Variants in MCC observed in about 807,000 individuals in gnomAD.
The protein encoded by MCC is MCC regulator of Wnt signaling pathway, also known as colorectal mutant cancer protein.
MCC carries 90 observed loss-of-function variants against 116.2 expected under a neutral mutation model. That is an observed-to-expected ratio of 0.77 (90% CI 0.65 to 0.92). The LOEUF (loss-of-function observed/expected upper bound fraction) is 0.92. Among genes scored for constraint, MCC ranks in the 40% least tolerant of loss-of-function variants. MCC has a pLI of 0.00. For missense variants in MCC, 1,516 were observed against 1,312.2 expected, an observed-to-expected ratio of 1.16 and a Z score of -2.40; for synonymous variants, 578 against 510.5, an observed-to-expected ratio of 1.13 and a Z score of -1.78.
intron 3 of MCC, among the ~76,000 whole-genome samples, chr5:113,197,344 G>T (rs1762463339): frequency 1.3e-5 from 2 of 152,144 alleles, no homozygotes; most frequent in Non-Finnish European, 2.9e-5. Flanking sequence ...AGGATAGGTA[G>T]GTAGCGGGGA....
chr5:113,041,573 A>G (rs1030953023), intron 17 of MCC, among the ~76,000 whole-genome samples: 2 of 152,228 alleles, frequency 1.3e-5, no homozygotes, highest in South Asian at 2.1e-4. Flanking sequence ...CGCAGACTAG[A>G]GGGCTGTTAT....
intron 6 of MCC, among the ~76,000 whole-genome samples, chr5:113,114,897 C>G (rs1393809223): frequency 6.6e-6 from 1 of 152,098 alleles, no homozygotes; most frequent in African/African-American, 2.4e-5. Context: ...TCCTGGATGC[C>G]AAACAAGAGT....
At chr5:113,391,415 T>C (rs1344799227) in intron 1 of MCC, among the ~76,000 whole-genome samples, 1 of 152,138 alleles carries the variant, frequency 6.6e-6, no homozygotes, top group Non-Finnish European at 1.5e-5. Context: ...GGAGATATTG[T>C]CTAAAGTTGG....
At chr5:113,083,320 A>G (rs1287920926) in intron 10 of MCC, among the ~76,000 whole-genome samples, 1 of 151,966 alleles carries the variant, frequency 6.6e-6, no homozygotes, top group Non-Finnish European at 1.5e-5. Flanking sequence ...CAGAGTCAGG[A>G]TTTCTTTCCC....
intron 1 of MCC, among the ~76,000 whole-genome samples, chr5:113,470,000 C>T (rs1343590121): frequency 6.6e-6 from 1 of 152,148 alleles, no homozygotes; most frequent in East Asian, 1.9e-4. Context: ...ACTAGGATTG[C>T]AACCTCTGCC....
chr5:113,374,228 TAA>T (rs1303306499), intron 2 of MCC, among the ~76,000 whole-genome samples: 135 of 151,836 alleles, frequency 8.9e-4, no homozygotes, highest in African/African-American at 3.2e-3. Context: ...TTTTTTTTTT[TAA>T]TAGCAAAGCC....
chr5:113,456,319 G>A (rs570334003), intron 1 of MCC, among the ~76,000 whole-genome samples: 4 of 152,304 alleles, frequency 2.6e-5, no homozygotes, highest in South Asian at 2.1e-4. Flanking sequence ...TATATGGGTC[G>A]AGTATCTTTT....
chr5:113,042,142 G>C (rs1751748188), intron 17 of MCC, among the ~76,000 whole-genome samples: 2 of 151,940 alleles, frequency 1.3e-5, no homozygotes, highest in African/African-American at 4.8e-5. Context: ...AATTACATGT[G>C]AAGAAACAGA....
intron 3 of MCC, among the ~76,000 whole-genome samples, chr5:113,178,081 AAATC>A (rs1761429164): frequency 6.6e-6 from 1 of 152,254 alleles, no homozygotes; most frequent in Non-Finnish European, 1.5e-5. Context: ...CAGGGCTTGC[AAATC>A]AGAACACATG....
chr5:113,344,448 C>T (rs1263088453), intron 2 of MCC, among the ~76,000 whole-genome samples: 2 of 151,970 alleles, frequency 1.3e-5, no homozygotes, highest in Non-Finnish European at 2.9e-5. Context: ...GAGACATCAC[C>T]CGGGTTGGCT....
At chr5:113,277,367 CAAA>C (rs34104526) in intron 3 of MCC, among the ~76,000 whole-genome samples, 4 of 136,148 alleles carry the variant, frequency 2.9e-5, no homozygotes, top group African/African-American at 5.3e-5. Context: ...GACTCCATCT[CAAA>C]AAAAAAAAAA....
At chr5:113,352,426 T>C (rs11241201) in intron 2 of MCC, among the ~76,000 whole-genome samples, 27,681 of 151,882 alleles carry the variant, frequency 0.18, 3,021 homozygotes, top group Admixed American at 0.31. Context: ...TCTTCCCATA[T>C]TTTTTCCTCT....
intron 2 of MCC, among the ~76,000 whole-genome samples, chr5:113,369,447 A>T (rs568846936): frequency 2.0e-5 from 3 of 152,370 alleles, no homozygotes; most frequent in Non-Finnish European, 4.4e-5. Context: ...AGTTTAAAAA[A>T]TGCCTCTTTT....
chr5:113,072,875 T>C (rs1754135699), intron 11 of MCC, among the ~76,000 whole-genome samples: 1 of 152,134 alleles, frequency 6.6e-6, no homozygotes. Flanking sequence ...CCTTTTGCTG[T>C]CACATTGCCA....
At chr5:113,150,923 A>C (rs994953922) in intron 4 of MCC, among the ~76,000 whole-genome samples, 20 of 152,280 alleles carry the variant, frequency 1.3e-4, no homozygotes, top group Non-Finnish European at 2.9e-4. Context: ...TTTAACTGGT[A>C]GTCCCAGCTA....
intron 3 of MCC, among the ~76,000 whole-genome samples, chr5:113,155,135 A>G (rs1017381703): frequency 6.6e-6 from 1 of 152,128 alleles, no homozygotes; most frequent in African/African-American, 2.4e-5. Flanking sequence ...ATCATGTGAT[A>G]TTTGTCTTTA....
intron 1 of MCC, among the ~76,000 whole-genome samples, chr5:113,445,383 A>G (rs1771179621): frequency 6.6e-6 from 1 of 152,188 alleles, no homozygotes; most frequent in Non-Finnish European, 1.5e-5. Context: ...CTGATAAACA[A>G]TTTCAGTAAA....
chr5:113,346,939 AG>A (rs1768148060), intron 2 of MCC, among the ~76,000 whole-genome samples: 1 of 151,294 alleles, frequency 6.6e-6, no homozygotes, highest in Admixed American at 6.6e-5. Context: ...AAAGTGCTGA[AG>A]GAAAAAAAAA....
intron 1 of MCC, among the ~76,000 whole-genome samples, chr5:113,481,022 C>T (rs1377192044): frequency 6.6e-6 from 1 of 152,200 alleles, no homozygotes; most frequent in Non-Finnish European, 1.5e-5. Flanking sequence ...AGAGATCCAC[C>T]TGCCTCAGCC....
Sources: gnomAD v4.1 joint callset for allele counts (sites outside exome capture counted in the v4.1 genomes callset) on GRCh38, gnomAD v4.1.1 for gene constraint, MANE v1.5 for transcripts, NCBI Gene and HGNC (gene_info 2026-07-23, HGNC 2026-07-21) for gene names.